REEP3: variants seen among roughly 807,000 people sequenced by gnomAD.
REEP3 encodes receptor expression-enhancing protein 3.
In REEP3, 20 loss-of-function variants were observed where a neutral mutation model predicts 41.3. The ratio of observed to expected loss-of-function variants is 0.48; its 90% CI spans 0.34 to 0.70. The LOEUF (loss-of-function observed/expected upper bound fraction) is 0.70. Among genes scored for constraint, REEP3 ranks in the 30% least tolerant of loss-of-function variants. The pLI, the probability that REEP3 is intolerant of heterozygous loss-of-function variation, is 0.01. For missense variants in REEP3, 271 were observed against 308.8 expected (o/e 0.88, Z 0.92); for synonymous variants, 104 against 101.8 (o/e 1.02, Z -0.13).
At chr10:63,536,558 C>T (rs1351602115) in intron 1 of REEP3, among the ~76,000 whole-genome samples, 2 of 152,088 alleles carry the variant, frequency 1.3e-5, no homozygotes, top group South Asian at 4.1e-4. Flanking sequence ...GAAGCCAGCA[C>T]TAGGATTGTT....
At chr10:63,596,598 G>A (rs1028135321) in intron 3 of REEP3, among the ~76,000 whole-genome samples, 2 of 152,010 alleles carry the variant, frequency 1.3e-5, no homozygotes, top group African/African-American at 4.8e-5. Context: ...ACATTTATGT[G>A]GTTCTCACAG....
At chr10:63,544,318 T>G (rs991740979) in intron 1 of REEP3, among the ~76,000 whole-genome samples, 15 of 152,158 alleles carry the variant, frequency 9.9e-5, no homozygotes, top group Admixed American at 8.5e-4. Context: ...TTGAAATATT[T>G]TAAGTGATGA....
At chr10:63,521,632 G>A (rs1310446294) in intron 1 of REEP3, 55 bp downstream of exon 1, 3 of 1,297,332 alleles carry the variant, frequency 2.3e-6, no homozygotes, top group South Asian at 1.8e-5. Flanking sequence ...GGAGCTGTGG[G>A]AAGGGGAAGG....
chr10:63,537,000 A>G (rs2133346539), intron 1 of REEP3, among the ~76,000 whole-genome samples: 1 of 152,334 alleles, frequency 6.6e-6, no homozygotes, highest in South Asian at 2.1e-4. Flanking sequence ...GCAATCCCAC[A>G]ACTAGCTATG....
At chr10:63,617,812 C>CTTTT (rs60910642) in intron 6 of REEP3, among the ~76,000 whole-genome samples, 3 of 83,502 alleles carry the variant, frequency 3.6e-5, no homozygotes, top group African/African-American at 1.3e-4. Context: ...TCCTTCTACT[C>CTTTT]TTTTTTTTTT....
intron 6 of REEP3, among the ~76,000 whole-genome samples, chr10:63,619,100 C>G (rs1157102438): frequency 6.6e-6 from 1 of 152,246 alleles, no homozygotes; most frequent in Admixed American, 6.5e-5. Context: ...ACATCCCCAT[C>G]CTCATCACCT....
chr10:63,525,440 C>T (rs1486362366), intron 1 of REEP3, among the ~76,000 whole-genome samples: 10 of 150,126 alleles, frequency 6.7e-5, no homozygotes, highest in Middle Eastern at 3.4e-3. Context: ...TTTTTTGAGA[C>T]GGAGTTTTTC....
At chr10:63,589,915 C>G (rs570706606) in intron 2 of REEP3, among the ~76,000 whole-genome samples, 1 of 150,664 alleles carries the variant, frequency 6.6e-6, no homozygotes, top group East Asian at 2.0e-4. Context: ...CTGCCTCAGC[C>G]TCCCAAGTAG....
At chr10:63,538,441 C>T (rs1030278764) in intron 1 of REEP3, among the ~76,000 whole-genome samples, 4 of 151,956 alleles carry the variant, frequency 2.6e-5, no homozygotes, top group East Asian at 1.9e-4. Flanking sequence ...TTATATAAGA[C>T]GAGGAAAACG....
chr10:63,566,525 T>C (rs1589869542), intron 2 of REEP3, 115 bp downstream of exon 2: 4 of 619,744 alleles, frequency 6.5e-6, no homozygotes, highest in Non-Finnish European at 1.1e-5. Context: ...AAAGGTGTTA[T>C]GAATGTGAAG....
chr10:63,567,525 C>T (rs1589869907), intron 2 of REEP3, among the ~76,000 whole-genome samples: 1 of 152,104 alleles, frequency 6.6e-6, no homozygotes, highest in East Asian at 1.9e-4. Flanking sequence ...GTGTTACATT[C>T]CTTTTTATGG....
chr10:63,594,003 A>G (rs1338559440), intron 2 of REEP3, among the ~76,000 whole-genome samples: 2 of 152,140 alleles, frequency 1.3e-5, no homozygotes, highest in African/African-American at 2.4e-5. Flanking sequence ...CAATTTATAT[A>G]TATTGGGAAA....
chr10:63,567,345 G>C (rs182061263), intron 2 of REEP3, among the ~76,000 whole-genome samples: 1 of 151,962 alleles, frequency 6.6e-6, no homozygotes, highest in Non-Finnish European at 1.5e-5. Context: ...ATAAAACCCT[G>C]TGCCCAAGTT....
At chr10:63,574,934 G>A (rs1406833448) in intron 2 of REEP3, among the ~76,000 whole-genome samples, 2 of 137,686 alleles carry the variant, frequency 1.5e-5, no homozygotes, top group African/African-American at 2.6e-5. Context: ...TTGGCTCACG[G>A]CAACCTCTGC....
intron 1 of REEP3, among the ~76,000 whole-genome samples, chr10:63,549,427 C>T (rs1955607666): frequency 6.6e-6 from 1 of 152,150 alleles, no homozygotes; most frequent in African/African-American, 2.4e-5. Flanking sequence ...AGTTAGCTAG[C>T]CATGGTGGCC....
intron 4 of REEP3, among the ~76,000 whole-genome samples, chr10:63,598,614 C>T (rs564090110): frequency 4.2e-4 from 63 of 151,384 alleles, no homozygotes; most frequent in African/African-American, 1.3e-3. Context: ...GAAACCCTGT[C>T]TCTACTAAAA....
intron 5 of REEP3, among the ~76,000 whole-genome samples, chr10:63,606,277 T>TTTTC (rs1239095555): frequency 4.1e-5 from 6 of 148,018 alleles, no homozygotes; most frequent in Admixed American, 3.4e-4. Flanking sequence ...CTTTCTTTCT[T>TTTTC]TTTCTTTCTT....
intron 1 of REEP3, among the ~76,000 whole-genome samples, chr10:63,536,412 C>G (rs1275352383): frequency 2.0e-5 from 3 of 152,158 alleles, no homozygotes; most frequent in African/African-American, 7.2e-5. Flanking sequence ...ATAATTTTAT[C>G]TCTCTCTATG....
chr10:63,579,115 T>A (rs1207997215), intron 2 of REEP3, among the ~76,000 whole-genome samples: 1 of 151,128 alleles, frequency 6.6e-6, no homozygotes, highest in Admixed American at 6.6e-5. Context: ...CACTGCAACC[T>A]CTGTCTCCCT....
Sources: allele counts gnomAD v4.1 joint callset (sites outside exome capture counted in the v4.1 genomes callset), GRCh38; gene constraint gnomAD v4.1.1; transcripts MANE v1.5; gene names NCBI Gene and HGNC (gene_info 2026-07-23, HGNC 2026-07-21).